The following RFTN1 variants were observed in gnomAD, a reference collection of about 807,000 sequenced individuals.
The protein encoded by RFTN1 is raftlin, lipid raft linker 1, also known as raftlin.
In RFTN1, 26 loss-of-function variants were observed where a neutral mutation model predicts 46.5. That is an observed-to-expected ratio of 0.56 (90% CI 0.41 to 0.78). RFTN1 has a LOEUF of 0.78. RFTN1 is among the 30% of genes least tolerant of loss of function. The pLI is 0.00. For missense variants in RFTN1, 693 were observed against 718.7 expected (o/e 0.96, Z 0.41); for synonymous variants, 261 against 284.2 (o/e 0.92, Z 0.82).
At chr3:16,369,523 GAC>G (rs1453758653) in intron 6 of RFTN1, among the ~76,000 whole-genome samples, 1 of 152,216 alleles carries the variant, frequency 6.6e-6, no homozygotes, top group Non-Finnish European at 1.5e-5. Flanking sequence ...TAGGAGAGCT[GAC>G]ATCAATAGTG....
chr3:16,476,906 G>A (rs1398889118), intron 2 of RFTN1, among the ~76,000 whole-genome samples: 2 of 152,120 alleles, frequency 1.3e-5, no homozygotes, highest in Non-Finnish European at 2.9e-5. Flanking sequence ...GGGTTTCTCT[G>A]TTCCGTACAA....
rs766006449 is a variant in RFTN1, at chr3:16,320,263, G to T, written c.1333-3031C>A. Among the ~76,000 whole-genome samples the T allele has an allele frequency of 6.6e-6, 1 of 152,182 alleles. No individual in the cohort carries two copies. The highest frequency in any genetic ancestry group is 1.5e-5 in the Non-Finnish European group (1 of 68,040). The stretch of plus-strand genomic sequence containing the variant: ...TATTTGCCTTGAAAATCACACGCAC[G>T]TACACAGAGGTTTCTTTCCAATGCT... On this transcript the variant is annotated intron_variant, in intron 9 of 9. Coordinates refer to ENST00000334133, the MANE Select transcript of RFTN1 (RefSeq NM_015150.2). The surrounding 1 kb of genome is among the most constrained non-coding windows in gnomAD (Gnocchi z 4.5).
Position 16,377,850 on chromosome 3 carries a change from GC to G in RFTN1, c.693del (p.Leu233SerfsTer22), listed in dbSNP as rs1239630997. 2 of 1,614,068 alleles carry G rather than the reference GC, an allele frequency of 1.2e-6. No individual in the cohort carries two copies. Among genetic ancestry groups the G allele is most frequent in the Non-Finnish European group, 1.7e-6 (2 of 1,180,032 alleles). On this transcript the variant is annotated frameshift_variant, in exon 5 of 10. Coordinates refer to ENST00000334133, the MANE Select transcript of RFTN1 (RefSeq NM_015150.2). LOFTEE classifies it high-confidence loss of function. ...PEPSSGPRGE[V>X]PLAKQPSSPS... ...GGTGAGCTGGGCTGCTTGGCGAGGG[GC>G]ACCTCCCCTCTGGGGCCTGAGCTGG...
At chr3:16,464,095 A>C (rs1220271556) in intron 2 of RFTN1, among the ~76,000 whole-genome samples, 2 of 152,134 alleles carry the variant, frequency 1.3e-5, no homozygotes, top group Non-Finnish European at 2.9e-5. Flanking sequence ...TTATCTTTCG[A>C]ACCTCTCGTC....
intron 4 of RFTN1, among the ~76,000 whole-genome samples, chr3:16,399,102 A>G (rs1429164883): frequency 4.6e-5 from 7 of 152,168 alleles, no homozygotes; most frequent in African/African-American, 1.7e-4. Context: ...TTCATATGAT[A>G]TGTGCTCCAA....
chr3:16,420,527 G>T (rs748567315), intron 3 of RFTN1, among the ~76,000 whole-genome samples: 2 of 152,160 alleles, frequency 1.3e-5, no homozygotes, highest in African/African-American at 2.4e-5. Context: ...TCTTCTCTAC[G>T]TGCATTGAAT....
chr3:16,486,861 T>A (rs1442077479), intron 2 of RFTN1, among the ~76,000 whole-genome samples: 1 of 152,234 alleles, frequency 6.6e-6, no homozygotes, highest in African/African-American at 2.4e-5. Context: ...GAAGGTCAAA[T>A]CATGTCATAA....
chr3:16,415,051 G>A (rs1342229833), intron 3 of RFTN1, among the ~76,000 whole-genome samples: 1 of 152,154 alleles, frequency 6.6e-6, no homozygotes, highest in East Asian at 1.9e-4. Flanking sequence ...TGGCTGTAAG[G>A]GGCAGCCAGA....
At chr3:16,409,933 C>T (rs1017420192) in intron 3 of RFTN1, among the ~76,000 whole-genome samples, 4 of 151,700 alleles carry the variant, frequency 2.6e-5, no homozygotes, top group Admixed American at 1.3e-4. Context: ...GTGATCCGCC[C>T]GCCTTGGCCT....
In RFTN1 at chr3:16,493,768, C is replaced by T. The variant is rs138775780; in HGVS notation, c.102G>A (p.Val34=). 287 of 1,613,592 alleles carry T rather than the reference C, an allele frequency of 1.8e-4. 1 individual carries two copies. The highest frequency in any genetic ancestry group is 2.4e-4 in the Non-Finnish European group (278 of 1,179,994). The change falls in exon 2 of 10, where the codon GTG becomes GTA. Residue 34 remains valine (V), a synonymous_variant. Transcript: ENST00000334133. ...ACTCCAGGAAGCGGTATTCATAGGA[C>T]ACATCTATCTTGGTTTCCACCTGAG... ...KRPQVETKID[V]SYEYRFLEFT... is the part of the protein sequence containing the mutation.
intron 2 of RFTN1, among the ~76,000 whole-genome samples, chr3:16,463,703 T>C (rs60496928): frequency 0.018 from 2,673 of 152,328 alleles, 93 homozygotes; most frequent in African/African-American, 0.061. Context: ...TTTTCTCTCA[T>C]TTTTGGGGAA....
chr3:16,344,030 C>G lies in RFTN1; in HGVS notation c.1146+13902G>C, dbSNP rs2071481971. ...ACCAGAAAGAAACATGGGCTGTGAT[C>G]TGGAAATGTTCACTGGGTCACAGCC... On this transcript the variant is annotated intron_variant, in intron 7 of 9. Transcript: ENST00000334133. This position sits in a 1 kb window ranked among gnomAD's most constrained non-coding sequence, Gnocchi z 4.4. 6.6e-6 allele frequency among the ~76,000 whole-genome samples: 1 copy of G among 152,168 alleles called. No homozygotes were observed. The highest frequency in any genetic ancestry group is 1.5e-5 in the Non-Finnish European group (1 of 68,032).
chr3:16,330,191 C>CCAT (rs1314629277), intron 7 of RFTN1, among the ~76,000 whole-genome samples: 1 of 152,136 alleles, frequency 6.6e-6, no homozygotes, highest in Non-Finnish European at 1.5e-5. Context: ...TAATTTCTGG[C>CCAT]CATCACATGG....
chr3:16,469,101 T>A (rs1367004694), intron 2 of RFTN1, among the ~76,000 whole-genome samples: 1 of 152,244 alleles, frequency 6.6e-6, no homozygotes, highest in Non-Finnish European at 1.5e-5. Context: ...ACAGGTTACA[T>A]GTGAAAAATA....
At chr3:16,491,912 C>T (rs1001856163) in intron 2 of RFTN1, among the ~76,000 whole-genome samples, 10 of 152,124 alleles carry the variant, frequency 6.6e-5, no homozygotes, top group East Asian at 3.8e-4. Context: ...CTAATCCTCC[C>T]GCAATGCCCA....
rs754846892 is a variant in RFTN1, at chr3:16,489,994, G to A, written c.145+3731C>T. On this transcript the variant is annotated intron_variant, in intron 2 of 9. Transcript: ENST00000334133. This position sits in a 1 kb window ranked among gnomAD's most constrained non-coding sequence, Gnocchi z 4.0. ...GGGCACATAGTAGCACTCAACAAAC[G>A]TCAGCTCCATTCTGGAGAATAAAGA... 2.0e-5 allele frequency among the ~76,000 whole-genome samples: 3 copies of A among 152,148 alleles called. No homozygotes were observed. The highest frequency in any genetic ancestry group is 2.9e-5 in the Non-Finnish European group (2 of 68,034).
At chr3:16,390,377 CT>C (rs2074316246) in intron 4 of RFTN1, among the ~76,000 whole-genome samples, 1 of 152,140 alleles carries the variant, frequency 6.6e-6, no homozygotes, top group East Asian at 1.9e-4. Context: ...AGGAGTGAGC[CT>C]TCAGAGATCT....
At chr3:16,399,078 C>A (rs1359620256) in intron 4 of RFTN1, among the ~76,000 whole-genome samples, 4 of 152,090 alleles carry the variant, frequency 2.6e-5, no homozygotes, top group Non-Finnish European at 4.4e-5. Context: ...AACTATAAGT[C>A]ATTTTATTAT....
Position 16,424,787 on chromosome 3 carries a change from A to G in RFTN1, c.332+9064T>C, listed in dbSNP as rs2075259223. Among the ~76,000 whole-genome samples the G allele has an allele frequency of 6.6e-6, 1 of 152,192 alleles. No individual in the cohort carries two copies. Among genetic ancestry groups the G allele is most frequent in the Non-Finnish European group, 1.5e-5 (1 of 68,036 alleles). On this transcript the variant is annotated intron_variant, in intron 3 of 9. Coordinates refer to ENST00000334133, the MANE Select transcript of RFTN1 (RefSeq NM_015150.2). The surrounding 1 kb of genome is among the most constrained non-coding windows in gnomAD (Gnocchi z 4.7). ...ATCATTATATAAAAATCTCATGAAC[A>G]TTTAAATCATTAATAATGTACTTAT...
Sources: allele counts gnomAD v4.1 joint callset (sites outside exome capture counted in the v4.1 genomes callset), GRCh38; gene constraint gnomAD v4.1.1; non-coding constraint Gnocchi (gnomAD v3.1); transcripts MANE v1.5; gene names NCBI Gene and HGNC (gene_info 2026-07-23, HGNC 2026-07-21).